Variants in GRIN2A observed in about 807,000 individuals in gnomAD.
GRIN2A encodes glutamate receptor ionotropic, NMDA 2A.
In GRIN2A, 22 loss-of-function variants were observed where a neutral mutation model predicts 113.4. The observed-to-expected ratio is 0.19, with a 90% CI of 0.14 to 0.28. The LOEUF is 0.28. Ranked by LOEUF, GRIN2A falls within the 10% of genes least tolerant of loss-of-function variation. The pLI is 1.00. For synonymous variants in GRIN2A, 827 were observed against 738.4 expected (o/e 1.12, Z -1.94); for missense variants, 1,502 against 1,887.0 (o/e 0.80, Z 3.78).
chr16:9,766,232 C>G (rs1029119552), intron 12 of GRIN2A, among the ~76,000 whole-genome samples: 1 of 152,206 alleles, frequency 6.6e-6, no homozygotes, highest in African/African-American at 2.4e-5. Flanking sequence ...GCATAAACTA[C>G]AGGAAAGTAA....
rs558491032 is a variant in GRIN2A at position 10,167,856 on chromosome 16, G to C, written c.414+12142C>G. ...TCTTTGGGGGGATGTGGGGGAATAG[G>C]AGAAGTGGATAAACAACAGAATAGT... On this transcript the variant is annotated intron_variant, in intron 2 of 12. Transcript: ENST00000330684. Among the ~76,000 whole-genome samples, 20 of 152,316 alleles carry C rather than the reference G, an allele frequency of 1.3e-4. 1 individual carries two copies. Among genetic ancestry groups the C allele is most frequent in the African/African-American group, 4.3e-4 (18 of 41,570 alleles).
At chr16:9,937,855 C>G in intron 3 of GRIN2A, 104 bp downstream of exon 3, 1 of 799,122 alleles carries the variant, frequency 1.3e-6, no homozygotes, top group East Asian at 2.6e-5. Flanking sequence ...ACATAACATT[C>G]TGCATTTTCA....
rs2044649249 is a variant in GRIN2A at position 9,933,686 on chromosome 16, G to C, written c.1007+4273C>G. On this transcript the variant is annotated intron_variant, in intron 3 of 12. Transcript: ENST00000330684. ...GCTGGTAGATCTAACACAGGCTACA[G>C]ATAGGTCTGTTCTCTGCTTTCAGCT... 2.0e-5 allele frequency among the ~76,000 whole-genome samples: 3 copies of C among 152,218 alleles called. No individual in the cohort carries two copies. In the South Asian group the frequency reaches 6.2e-4, roughly 32 times the overall value.
At chr16:9,880,692 G>T (rs1006899906) in intron 4 of GRIN2A, among the ~76,000 whole-genome samples, 2 of 152,110 alleles carry the variant, frequency 1.3e-5, no homozygotes, top group South Asian at 4.1e-4. Flanking sequence ...TCTCCAGATG[G>T]GCCTTGGGCA....
intron 9 of GRIN2A, among the ~76,000 whole-genome samples, chr16:9,826,894 C>T (rs889918897): frequency 1.3e-5 from 2 of 152,180 alleles, no homozygotes; most frequent in Non-Finnish European, 2.9e-5. Flanking sequence ...GGATTTCCCC[C>T]CGCCCTTGCC....
chr16:9,883,982 T>C (rs1360665140), intron 4 of GRIN2A, among the ~76,000 whole-genome samples: 3 of 152,234 alleles, frequency 2.0e-5, no homozygotes, highest in African/African-American at 7.2e-5. Context: ...TGTTTTACTT[T>C]AATATTTATG....
At chr16:9,965,800 C>T (rs2045546321) in intron 2 of GRIN2A, among the ~76,000 whole-genome samples, 1 of 152,210 alleles carries the variant, frequency 6.6e-6, no homozygotes, top group Non-Finnish European at 1.5e-5. Flanking sequence ...CTCCCCACAG[C>T]CTCTTTTATA....
chr16:9,775,119 A>G (rs1337204587), intron 11 of GRIN2A, among the ~76,000 whole-genome samples: 1 of 152,218 alleles, frequency 6.6e-6, no homozygotes, highest in Non-Finnish European at 1.5e-5. Context: ...TGAAAAATCC[A>G]TTTTGAACCT....
At chr16:9,826,486 G>A (rs901645995) in intron 9 of GRIN2A, among the ~76,000 whole-genome samples, 13 of 152,178 alleles carry the variant, frequency 8.5e-5, no homozygotes, top group African/African-American at 3.1e-4. Context: ...TAAAAGCATT[G>A]TAAACCTGAG....
In GRIN2A at chr16:9,840,630, C is replaced by G. The variant is rs1596483008; in HGVS notation, c.1651+17G>C. 2 of 1,609,866 alleles carry G rather than the reference C, an allele frequency of 1.2e-6. No homozygotes were observed. Among genetic ancestry groups the G allele is most frequent in the African/African-American group, 2.7e-5 (2 of 74,912 alleles). Reference sequence around the variant, plus strand: ...ATTCCTTATAGGAAAGCAATAGTCACTATGAAATTCACACACCTAGAAAAG... The same window carrying G: ...ATTCCTTATAGGAAAGCAATAGTCAGTATGAAATTCACACACCTAGAAAAG... On this transcript the variant is annotated intron_variant, in intron 7 of 12. Transcript: ENST00000330684.
chr16:9,798,524 CTCCTGAGGCCTGA>C, intron 10 of GRIN2A, 60 bp from the exon 11 acceptor site: 1 of 1,269,870 alleles, frequency 7.9e-7, no homozygotes, highest in Non-Finnish European at 1.1e-6. Flanking sequence ...CGGGGTCCAG[CTCCTGAGGCCTGA>C]TCCTGAAAGC....
chr16:9,937,225 T>G (rs1272125533), intron 3 of GRIN2A, among the ~76,000 whole-genome samples: 1 of 151,780 alleles, frequency 6.6e-6, no homozygotes, highest in Non-Finnish European at 1.5e-5. Flanking sequence ...GTATTGGGGG[T>G]TGGGGCGGGA....
chr16:10,129,543 C>T (rs887001732), intron 2 of GRIN2A, among the ~76,000 whole-genome samples: 1 of 152,066 alleles, frequency 6.6e-6, no homozygotes, highest in African/African-American at 2.4e-5. Context: ...ATGGTGAGAA[C>T]AAGACAACCA....
At chr16:9,774,944 A>G (rs916149581) in intron 11 of GRIN2A, among the ~76,000 whole-genome samples, 1 of 152,206 alleles carries the variant, frequency 6.6e-6, no homozygotes, top group Admixed American at 6.5e-5. Context: ...TCAGCTCTCC[A>G]TGGAGACTCT....
Position 9,766,408 on chromosome 16 carries a change from C to T in GRIN2A, c.2596-1460G>A, listed in dbSNP as rs75109170. Among the ~76,000 whole-genome samples the T allele has an allele frequency of 4.3e-3, 662 of 152,272 alleles. 6 individuals are homozygous for T. Among genetic ancestry groups the T allele is most frequent in the African/African-American group, 0.015 (632 of 41,560 alleles). On this transcript the variant is annotated intron_variant, in intron 12 of 12. Coordinates refer to ENST00000330684, the MANE Select transcript of GRIN2A (RefSeq NM_001134407.3). Reference sequence around the variant, plus strand: ...CTCTCCACTCCAGCCTTCAAGGAACCGTAAACACAAAAGCCTACAGTTGCA... The same window carrying T: ...CTCTCCACTCCAGCCTTCAAGGAACTGTAAACACAAAAGCCTACAGTTGCA...
chr16:10,151,946 AG>A (rs2049587261), intron 2 of GRIN2A, among the ~76,000 whole-genome samples: 2 of 152,196 alleles, frequency 1.3e-5, no homozygotes, highest in South Asian at 4.1e-4. Context: ...CAGCAGGAAG[AG>A]AAATGCTGAA....
At chr16:9,958,917 T>G (rs1356496111) in intron 2 of GRIN2A, among the ~76,000 whole-genome samples, 4 of 152,190 alleles carry the variant, frequency 2.6e-5, no homozygotes, top group African/African-American at 7.2e-5. Context: ...ATTTGTTAGA[T>G]AAATGAATTA....
At chr16:9,971,162 C>T (rs1035118911) in intron 2 of GRIN2A, among the ~76,000 whole-genome samples, 1 of 152,208 alleles carries the variant, frequency 6.6e-6, no homozygotes, top group African/African-American at 2.4e-5. Flanking sequence ...TTCCCATTGA[C>T]AGGTGGATTG....
At chr16:9,787,161 C>T (rs1273091592) in intron 11 of GRIN2A, among the ~76,000 whole-genome samples, 1 of 152,132 alleles carries the variant, frequency 6.6e-6, no homozygotes, top group Non-Finnish European at 1.5e-5. Flanking sequence ...ATAACAAGAT[C>T]TTTCCCCATT....
Sources: gnomAD v4.1 joint callset for allele counts (sites outside exome capture counted in the v4.1 genomes callset) on GRCh38, gnomAD v4.1.1 for gene constraint, MANE v1.5 for transcripts, NCBI Gene and HGNC (gene_info 2026-07-23, HGNC 2026-07-21) for gene names.